The following RBFOX1 variants were observed in gnomAD, a reference collection of about 807,000 sequenced individuals.
The protein encoded by RBFOX1 is RNA binding protein fox-1 homolog 1.
In RBFOX1, 8 loss-of-function variants were observed where a neutral mutation model predicts 57.7. The observed-to-expected ratio is 0.14, with a 90% confidence interval of 0.08 to 0.25. The LOEUF is 0.25. Among genes scored for constraint, RBFOX1 ranks in the 10% least tolerant of loss-of-function variants. The pLI is 1.00. For synonymous variants in RBFOX1, 326 were observed against 222.4 expected (o/e 1.47, Z -4.15); for missense variants, 611 against 548.5 (o/e 1.11, Z -1.14).
chr16:6,456,499 G>C (rs769300172), intron 2 of RBFOX1, among the ~76,000 whole-genome samples: 7 of 152,186 alleles, frequency 4.6e-5, no homozygotes, highest in Admixed American at 1.3e-4. Context: ...TGAACCTAGA[G>C]ACCAGATAAC....
intron 3 of RBFOX1, among the ~76,000 whole-genome samples, chr16:6,961,683 C>A (rs577631894): frequency 6.6e-6 from 1 of 152,104 alleles, no homozygotes; most frequent in Non-Finnish European, 1.5e-5. Flanking sequence ...GGGGTGGGGA[C>A]TTCCTCTGGA....
At chr16:6,840,895 A>G (rs796502373) in intron 3 of RBFOX1, among the ~76,000 whole-genome samples, 1 of 144,214 alleles carries the variant, frequency 6.9e-6, no homozygotes, top group African/African-American at 2.7e-5. Flanking sequence ...CTCAAAAAAA[A>G]AAAAAAAAAC....
Position 6,447,137 on chromosome 16 carries a change from G to A in RBFOX1, c.-64+130080G>A, listed in dbSNP as rs1432313215. On this transcript the variant is annotated intron_variant, in intron 2 of 15. Transcript: ENST00000550418. Reference sequence around the variant, plus strand: ...TAAAATTCATTCATTAAAAGTTCATGGTCTATTGGACTTTTTTTCCTTCAA... The same window carrying A: ...TAAAATTCATTCATTAAAAGTTCATAGTCTATTGGACTTTTTTTCCTTCAA... Among the ~76,000 whole-genome samples, 5 of 152,234 alleles carry A rather than the reference G, an allele frequency of 3.3e-5. 1 individual carries two copies. The highest frequency in any genetic ancestry group is 4.1e-4 in the South Asian group (2 of 4,828).
At chr16:6,851,766 G>T (rs748019463) in intron 3 of RBFOX1, among the ~76,000 whole-genome samples, 11 of 152,098 alleles carry the variant, frequency 7.2e-5, no homozygotes, top group Non-Finnish European at 1.0e-4. Flanking sequence ...CAGGCAGAAG[G>T]ACTGGCAGGT....
At chr16:7,117,030 A>C (rs2066054411) in intron 4 of RBFOX1, among the ~76,000 whole-genome samples, 1 of 152,164 alleles carries the variant, frequency 6.6e-6, no homozygotes, top group African/African-American at 2.4e-5. Context: ...AGGGAAGTGA[A>C]GACAAGAGGG....
chr16:7,626,705 G>A (rs192185792), intron 10 of RBFOX1, among the ~76,000 whole-genome samples: 1 of 149,520 alleles, frequency 6.7e-6, no homozygotes, highest in African/African-American at 2.6e-5. Flanking sequence ...TACATGTAGT[G>A]TGTAAATCTA....
rs112952789 is a variant in RBFOX1 at position 5,974,226 on chromosome 16, G to T, written c.351+106891G>T. On this transcript the variant is annotated intron_variant, in intron 4 of 19. Transcript: ENST00000641259. ...GCCCTCAACTGCTTCAGCTGTTCCT[G>T]TTGCATTTGGAACTGCAAAGAGAGG... 2.0e-3 allele frequency among the ~76,000 whole-genome samples: 307 copies of T among 152,290 alleles called. 1 individual carries two copies. Among genetic ancestry groups the T allele is most frequent in the African/African-American group, 6.9e-3 (288 of 41,548 alleles).
intron 4 of RBFOX1, among the ~76,000 whole-genome samples, chr16:7,316,975 C>CACACACACACAA (rs1555702478): frequency 4.0e-4 from 60 of 151,300 alleles, no homozygotes; most frequent in African/African-American, 1.4e-3. Flanking sequence ...CACACACACA[C>CACACACACACAA]ACACACACAC....
At chr16:6,827,640 C>G (rs1381984958) in intron 3 of RBFOX1, among the ~76,000 whole-genome samples, 1 of 152,176 alleles carries the variant, frequency 6.6e-6, no homozygotes, top group Non-Finnish European at 1.5e-5. Flanking sequence ...TCAGCAGTCA[C>G]CTCCTTCCCC....
intron 2 of RBFOX1, among the ~76,000 whole-genome samples, chr16:6,499,936 G>C (rs186069480): frequency 6.6e-6 from 1 of 152,278 alleles, no homozygotes; most frequent in Admixed American, 6.5e-5. Flanking sequence ...GTTCTGTTTT[G>C]AGAAGGGCTT....
At chr16:7,709,670 G>C in intron 15 of RBFOX1, 10 of 1,474,804 alleles carry the variant, frequency 6.8e-6, no homozygotes, top group Non-Finnish European at 8.1e-6. Context: ...TGTGTACCTA[G>C]TACATAAGAA....
intron 3 of RBFOX1, among the ~76,000 whole-genome samples, chr16:6,860,408 C>G (rs561508075): frequency 6.6e-6 from 1 of 152,174 alleles, no homozygotes; most frequent in African/African-American, 2.4e-5. Context: ...GCAAGTCTTA[C>G]AAAACACTAC....
chr16:6,681,853 T>C (rs1444533004), intron 3 of RBFOX1, among the ~76,000 whole-genome samples: 1 of 152,208 alleles, frequency 6.6e-6, no homozygotes. Flanking sequence ...GTGAGCTATT[T>C]TGAGTGTCAA....
intron 1 of RBFOX1, among the ~76,000 whole-genome samples, chr16:5,372,966 C>T (rs995781793): frequency 6.6e-6 from 1 of 152,224 alleles, no homozygotes. Flanking sequence ...TTTCCAGACA[C>T]AGGCTAGCTT....
At chr16:7,550,089 C>T (rs750063774) in intron 5 of RBFOX1, among the ~76,000 whole-genome samples, 3 of 151,100 alleles carry the variant, frequency 2.0e-5, no homozygotes, top group Non-Finnish European at 4.4e-5. Context: ...AACACCATGC[C>T]TGGCTAATTT....
At chr16:5,901,075 A>C (rs1382435607) in intron 4 of RBFOX1, among the ~76,000 whole-genome samples, 1 of 151,880 alleles carries the variant, frequency 6.6e-6, no homozygotes, top group African/African-American at 2.4e-5. Context: ...GCCCTTCTTC[A>C]CTCTGTGCTG....
intron 1 of RBFOX1, among the ~76,000 whole-genome samples, chr16:5,318,880 C>G (rs909395538): frequency 2.6e-5 from 4 of 152,304 alleles, no homozygotes; most frequent in Middle Eastern, 6.8e-3. Flanking sequence ...TGCCTGTAAT[C>G]CAAGCACTTT....
At chr16:7,075,283 C>A (rs540204027) in intron 4 of RBFOX1, among the ~76,000 whole-genome samples, 1 of 152,272 alleles carries the variant, frequency 6.6e-6, no homozygotes, top group Non-Finnish European at 1.5e-5. Flanking sequence ...CAAATGCAAG[C>A]AGTTATTGGT....
intron 4 of RBFOX1, among the ~76,000 whole-genome samples, chr16:7,508,237 C>T (rs779213910): frequency 3.9e-5 from 6 of 152,108 alleles, no homozygotes; most frequent in Non-Finnish European, 7.4e-5. Context: ...CTCGGCCTTC[C>T]TAAGTGCTGG....
Sources: allele counts gnomAD v4.1 joint callset (sites outside exome capture counted in the v4.1 genomes callset), GRCh38; gene constraint gnomAD v4.1.1; transcripts MANE v1.5; gene names NCBI Gene and HGNC (gene_info 2026-07-23, HGNC 2026-07-21).